Variants in VAV1 observed in about 807,000 individuals in gnomAD.
The protein encoded by VAV1 is proto-oncogene vav.
A neutral mutation model predicts 128.1 loss-of-function variants in VAV1; 33 were observed. The observed-to-expected ratio is 0.26, with a 90% CI of 0.20 to 0.34. The LOEUF (loss-of-function observed/expected upper bound fraction) is 0.34, where lower values mean the gene tolerates loss of function less well. VAV1 is among the 10% of genes least tolerant of loss of function. The probability of loss-of-function intolerance (pLI) is 1.00; values close to 1 mark genes in which losing one functional copy is unlikely to be tolerated. For missense variants in VAV1, 715 were observed against 1,093.7 expected (o/e 0.65, Z 4.88); for synonymous variants, 394 against 409.8 (o/e 0.96, Z 0.47).
intron 23 of VAV1, 40 bp from the exon 24 acceptor site, chr19:6,850,630 T>C (rs41306876): frequency 0.033 from 53,241 of 1,602,128 alleles, 1,114 homozygotes; most frequent in Non-Finnish European, 0.041. Context: ...GGAATGGGCC[T>C]GGTCCCCAGA....
At position 6,784,226 on chromosome 19, in the gene VAV1, C is replaced by T. The variant is rs527894766; in HGVS notation, c.204+11215C>T. On this transcript the variant is annotated intron_variant, in intron 1 of 26. Coordinates refer to ENST00000602142, the MANE Select transcript of VAV1 (RefSeq NM_005428.4). ...CTATGATTGTGCTACCACTGTACTC[C>T]AGACTGGACAAAAGAGTAAGACCCT... 11 of 655,402 alleles carry T rather than the reference C, an allele frequency of 1.7e-5. No homozygotes were observed. The African/African-American group carries it at 1.8e-4, about 11-fold the overall frequency. The allele number at this position is 655,402 out of a possible 1,614,324, so 40.6% of individuals were successfully genotyped here.
intron 1 of VAV1, among the ~76,000 whole-genome samples, chr19:6,805,581 G>GACACACACAC (rs1320517035): frequency 4.4e-5 from 1 of 22,638 alleles, no homozygotes; most frequent in Non-Finnish European, 1.2e-4. Flanking sequence ...CATTTCTACA[G>GACACACACAC]ATACACACAC....
In VAV1 at chr19:6,857,042, G is replaced by A. The variant is rs201671381; in HGVS notation, c.2485-12G>A. The A allele has an allele frequency of 2.7e-5, 44 of 1,613,802 alleles. No individual in the cohort carries two copies. The highest frequency in any genetic ancestry group is 5.5e-5 in the South Asian group (5 of 91,074). On this transcript the variant is annotated splice_polypyrimidine_tract_variant and intron_variant, in intron 26 of 26. Coordinates refer to ENST00000602142, the MANE Select transcript of VAV1 (RefSeq NM_005428.4). ...CAGAGGTTGCACTGATGAACTCCTC[G>A]TCTGTTTCCAGGTTGGCTGGTTCCC... is the stretch of plus-strand genomic sequence containing the variant.
chr19:6,833,763 A>G (rs762496035), intron 18 of VAV1, 30 bp downstream of exon 18: 10 of 1,614,070 alleles, frequency 6.2e-6, no homozygotes, highest in Non-Finnish European at 8.5e-6. Context: ...CTTCCTGTGT[A>G]CCACAAATAA....
intron 1 of VAV1, among the ~76,000 whole-genome samples, chr19:6,790,390 C>T (rs553992837): frequency 1.1e-4 from 16 of 152,216 alleles, no homozygotes; most frequent in South Asian, 2.1e-4. Context: ...CAAAGAACCA[C>T]GGATCGGATG....
rs778372936 is a variant in VAV1 at position 6,828,724 on chromosome 19, C to T, written c.1179+16C>T. The T allele has an allele frequency of 3.7e-6, 6 of 1,614,128 alleles. No individual in the cohort carries two copies. Among genetic ancestry groups the T allele is most frequent in the Non-Finnish European group, 5.1e-6 (6 of 1,180,006 alleles). On this transcript the variant is annotated intron_variant, in intron 12 of 26. Coordinates refer to ENST00000602142, the MANE Select transcript of VAV1 (RefSeq NM_005428.4). The surrounding 1 kb of genome is among the most constrained non-coding windows in gnomAD (Gnocchi z 4.5). ...TGAGAACCTGGTGAGGCGGTGGAGC[C>T]GGGTGGGCCAGGGGTGTGGCCACGT...
At chr19:6,850,981 T>C (rs1371507784) in intron 24 of VAV1, among the ~76,000 whole-genome samples, 1 of 152,132 alleles carries the variant, frequency 6.6e-6, no homozygotes, top group Non-Finnish European at 1.5e-5. Context: ...GATATGTTCA[T>C]TTTTAAATTT....
chr19:6,843,176 A>T lies in VAV1; in HGVS notation c.2012+10A>T, dbSNP rs1972421727. 1 of 1,613,884 alleles carries T rather than the reference A, an allele frequency of 6.2e-7. No homozygotes were observed. ...TGTCTGTTCATCTCTGGTGAGTAGA[A>T]ACATTTATTTTTGTTTCAATGAGAG... is the stretch of plus-strand genomic sequence containing the variant. On this transcript the variant is annotated intron_variant, in intron 22 of 26. Coordinates refer to ENST00000602142, the MANE Select transcript of VAV1 (RefSeq NM_005428.4).
chr19:6,808,924 C>A (rs949238416), intron 1 of VAV1, among the ~76,000 whole-genome samples: 2 of 152,086 alleles, frequency 1.3e-5, no homozygotes, highest in Non-Finnish European at 2.9e-5. Flanking sequence ...CTGCTCCACA[C>A]GGTCTCTCAT....
chr19:6,788,369 T>A (rs1302359727), intron 1 of VAV1, among the ~76,000 whole-genome samples: 2 of 143,646 alleles, frequency 1.4e-5, no homozygotes, highest in African/African-American at 5.0e-5. Context: ...ATTATTATTA[T>A]TATTATTATT....
chr19:6,833,443 A>G (rs2144793769), intron 16 of VAV1, 85 bp from the exon 17 acceptor site: 1 of 1,427,894 alleles, frequency 7.0e-7, no homozygotes, highest in Non-Finnish European at 9.5e-7. Flanking sequence ...AGAGAACCCA[A>G]GGGGTCCCTT....
At chr19:6,787,582 ATTTATT>A (rs2144706537) in intron 1 of VAV1, among the ~76,000 whole-genome samples, 1 of 86,984 alleles carries the variant, frequency 1.1e-5, no homozygotes, top group African/African-American at 7.9e-5. Context: ...AGATTTATTT[ATTTATT>A]TATTTATTTA....
chr19:6,821,770 C>T (rs373976688), intron 3 of VAV1, 21 bp from the exon 4 acceptor site: 53 of 1,613,836 alleles, frequency 3.3e-5, no homozygotes, highest in South Asian at 5.5e-5. Flanking sequence ...GCCCCTGGCT[C>T]ACACCCTCCT....
At chr19:6,773,680 C>T (rs773865248) in intron 1 of VAV1, among the ~76,000 whole-genome samples, 4 of 152,080 alleles carry the variant, frequency 2.6e-5, no homozygotes, top group Non-Finnish European at 2.9e-5. Flanking sequence ...TGCATTTTCT[C>T]GGCAGGGATT....
Position 6,822,627 on chromosome 19 carries a change from C to T in VAV1, c.654+113C>T. On this transcript the variant is annotated intron_variant, in intron 6 of 26. Transcript: ENST00000602142. This position sits in a 1 kb window ranked among gnomAD's most constrained non-coding sequence, Gnocchi z 5.9. ...AGCTGAGGATTTCCTGCTCCCATCG[C>T]TTTTCCTTTCTGTGACTGTCTCCGT... 1.2e-6 allele frequency: 1 copy of T among 867,908 alleles called. No homozygotes were observed. The highest frequency in any genetic ancestry group is 1.7e-6 in the Non-Finnish European group (1 of 575,868). The allele number at this position is 867,908 out of a possible 1,614,324, so 53.8% of individuals were successfully genotyped here.
At chr19:6,818,024 G>A (rs1016906320) in intron 1 of VAV1, among the ~76,000 whole-genome samples, 2 of 152,070 alleles carry the variant, frequency 1.3e-5, no homozygotes, top group African/African-American at 4.8e-5. Flanking sequence ...TCATTATGTG[G>A]CCCCAGGCTG....
At chr19:6,805,761 C>T (rs1040322369) in intron 1 of VAV1, among the ~76,000 whole-genome samples, 2 of 151,078 alleles carry the variant, frequency 1.3e-5, no homozygotes, top group African/African-American at 4.9e-5. Context: ...TATATATATG[C>T]ACACACACTA....
At chr19:6,803,111 A>G (rs958214765) in intron 1 of VAV1, among the ~76,000 whole-genome samples, 2 of 152,196 alleles carry the variant, frequency 1.3e-5, no homozygotes, top group East Asian at 1.9e-4. Flanking sequence ...TGTTTTGCCC[A>G]GGAAAGAATT....
chr19:6,783,326 T>C (rs1970807053), intron 1 of VAV1, among the ~76,000 whole-genome samples: 1 of 152,162 alleles, frequency 6.6e-6, no homozygotes, highest in African/African-American at 2.4e-5. Context: ...GAGGGCTCTA[T>C]GTTATAGAGT....
Sources: gnomAD v4.1 joint callset for allele counts (sites outside exome capture counted in the v4.1 genomes callset) on GRCh38, gnomAD v4.1.1 for gene constraint, Gnocchi (gnomAD v3.1) non-coding constraint, MANE v1.5 for transcripts, NCBI Gene and HGNC (gene_info 2026-07-23, HGNC 2026-07-21) for gene names.